Variants in ENTREP2 observed in about 807,000 individuals in gnomAD.
ENTREP2 encodes the protein protein ENTREP2.
chr15:29,203,846 TATG>T, the ENTREP2 span, among the ~76,000 whole-genome samples: 1 of 152,168 alleles, frequency 6.6e-6, no homozygotes, highest in Non-Finnish European at 1.5e-5. Flanking sequence ...AATTATCTCA[TATG>T]ATCACATCTC....
At chr15:29,592,369 G>C in the ENTREP2 span, among the ~76,000 whole-genome samples, 2 of 152,190 alleles carry the variant, frequency 1.3e-5, no homozygotes, top group African/African-American at 4.8e-5. Flanking sequence ...AACTTATAAA[G>C]AAACGTATTG....
At chr15:29,435,922 C>G in the ENTREP2 span, among the ~76,000 whole-genome samples, 1 of 152,046 alleles carries the variant, frequency 6.6e-6, no homozygotes. Context: ...TGAAACATGA[C>G]AGCAGAGCAC....
the ENTREP2 span, among the ~76,000 whole-genome samples, chr15:29,393,819 C>A: frequency 6.6e-6 from 1 of 151,824 alleles, no homozygotes; most frequent in Non-Finnish European, 1.5e-5. Context: ...TTATAAATTC[C>A]AAAGTATTCC....
At chr15:29,628,713 G>A in the ENTREP2 span, among the ~76,000 whole-genome samples, 1 of 152,102 alleles carries the variant, frequency 6.6e-6, no homozygotes, top group Non-Finnish European at 1.5e-5. Flanking sequence ...TTTGGTACAT[G>A]CACATTTAAG....
At chr15:29,171,452 TAAC>T in the ENTREP2 span, among the ~76,000 whole-genome samples, 2 of 152,134 alleles carry the variant, frequency 1.3e-5, no homozygotes, top group African/African-American at 4.8e-5. Context: ...TTCCAGGATG[TAAC>T]AGGCAAGATG....
the ENTREP2 span, among the ~76,000 whole-genome samples, chr15:29,344,741 G>A: frequency 1.3e-3 from 196 of 152,184 alleles, no homozygotes; most frequent in African/African-American, 4.5e-3. Flanking sequence ...GACAGACAGC[G>A]TGTCCCCAAG....
chr15:29,233,623 GGT>G, the ENTREP2 span: 1 of 726,248 alleles, frequency 1.4e-6, no homozygotes, highest in African/African-American at 1.7e-5. Context: ...TGCTATGAAA[GGT>G]GTGCGAGAGC....
At chr15:29,387,251 G>A in the ENTREP2 span, among the ~76,000 whole-genome samples, 4 of 152,186 alleles carry the variant, frequency 2.6e-5, no homozygotes, top group African/African-American at 9.7e-5. Flanking sequence ...CATCTATTGA[G>A]ATAATCATGT....
the ENTREP2 span, among the ~76,000 whole-genome samples, chr15:29,152,826 C>T: frequency 6.6e-6 from 1 of 152,082 alleles, no homozygotes; most frequent in Non-Finnish European, 1.5e-5. Flanking sequence ...CTGATTTGTA[C>T]AGTAATTGCA....
At chr15:29,578,079 A>C in the ENTREP2 span, among the ~76,000 whole-genome samples, 181 of 152,332 alleles carry the variant, frequency 1.2e-3, no homozygotes, top group Non-Finnish European at 1.7e-3. Flanking sequence ...TAAAATGGTA[A>C]ATTTTATATT....
chr15:29,339,750 T>G, the ENTREP2 span, among the ~76,000 whole-genome samples: 2 of 152,248 alleles, frequency 1.3e-5, no homozygotes, highest in African/African-American at 4.8e-5. Context: ...GCATGTCATC[T>G]CATCACTCTA....
chr15:29,587,652 A>C, the ENTREP2 span, among the ~76,000 whole-genome samples: 1 of 152,014 alleles, frequency 6.6e-6, no homozygotes, highest in South Asian at 2.1e-4. Flanking sequence ...TTAGTAGATG[A>C]GAGGAAGTGT....
the ENTREP2 span, among the ~76,000 whole-genome samples, chr15:29,552,886 C>T: frequency 2.0e-5 from 3 of 152,240 alleles, no homozygotes; most frequent in Admixed American, 6.5e-5. Context: ...CTGAAAAGAA[C>T]GGCACATCTG....
At chr15:29,633,602 C>A in the ENTREP2 span, among the ~76,000 whole-genome samples, 1 of 152,028 alleles carries the variant, frequency 6.6e-6, no homozygotes, top group Non-Finnish European at 1.5e-5. Context: ...AGTTCATGCA[C>A]AATTTTGCAA....
chr15:29,664,324 A>T, the ENTREP2 span, among the ~76,000 whole-genome samples: 5 of 151,990 alleles, frequency 3.3e-5, no homozygotes, highest in African/African-American at 9.7e-5. Context: ...TTTAAACTTC[A>T]CTGCACCAAA....
At chr15:29,466,181 C>G in the ENTREP2 span, among the ~76,000 whole-genome samples, 1 of 152,088 alleles carries the variant, frequency 6.6e-6, no homozygotes, top group African/African-American at 2.4e-5. Context: ...AGAGCAGCTC[C>G]GAGCAACAGT....
At chr15:29,510,518 G>C in the ENTREP2 span, among the ~76,000 whole-genome samples, 1 of 152,124 alleles carries the variant, frequency 6.6e-6, no homozygotes, top group African/African-American at 2.4e-5. Flanking sequence ...ATCAATGTTA[G>C]ACTGGATAAA....
chr15:29,529,736 G>A, the ENTREP2 span, among the ~76,000 whole-genome samples: 1 of 152,170 alleles, frequency 6.6e-6, no homozygotes, highest in South Asian at 2.1e-4. Context: ...GACACCTAGA[G>A]TGGCTGATTG....
the ENTREP2 span, among the ~76,000 whole-genome samples, chr15:29,594,564 C>T: frequency 2.6e-4 from 39 of 152,254 alleles, no homozygotes; most frequent in East Asian, 4.3e-3. Context: ...GCAATGTACA[C>T]GGTGGCCAGA....
Sources: gnomAD v4.1 joint callset for allele counts (sites outside exome capture counted in the v4.1 genomes callset) on GRCh38, gnomAD v4.1.1 for gene constraint, MANE v1.5 for transcripts, NCBI Gene and HGNC (gene_info 2026-07-23, HGNC 2026-07-21) for gene names.